VAC14: variants seen among roughly 807,000 people sequenced by gnomAD.
VAC14 encodes VAC14 component of PIKFYVE complex.
A neutral mutation model predicts 85.3 loss-of-function variants in VAC14; 47 were observed. The observed-to-expected ratio is 0.55, with a 90% CI of 0.44 to 0.70. The LOEUF (loss-of-function observed/expected upper bound fraction) is 0.70, where lower values mean the gene tolerates loss of function less well. Among genes scored for constraint, VAC14 ranks in the 30% least tolerant of loss-of-function variants. VAC14 has a pLI of 0.00. For missense variants in VAC14, 861 were observed against 1,004.3 expected (o/e 0.86, Z 1.93); for synonymous variants, 447 against 430.5 (o/e 1.04, Z -0.47).
chr16:70,725,040 G>A (rs2054387329), intron 14 of VAC14, among the ~76,000 whole-genome samples: 1 of 152,260 alleles, frequency 6.6e-6, no homozygotes, highest in African/African-American at 2.4e-5. Context: ...GAGAGGAAGA[G>A]TGGGGCCGCC....
intron 18 of VAC14, chr16:70,691,822 C>A (rs1280754651): frequency 1.0e-6 from 1 of 985,298 alleles, no homozygotes; most frequent in Non-Finnish European, 1.2e-6. Context: ...GGAGCCGATG[C>A]CAGCGGTGTG....
At chr16:70,785,623 G>C in intron 3 of VAC14, 79 bp downstream of exon 3, 2 of 1,458,120 alleles carry the variant, frequency 1.4e-6, no homozygotes, top group South Asian at 1.4e-5. Context: ...TCTGGGAAAA[G>C]GGGTCCAAGG....
chr16:70,695,925 G>T, intron 16 of VAC14: 1 of 268,784 alleles, frequency 3.7e-6, no homozygotes, highest in Admixed American at 4.7e-5. Context: ...GGGCAGGAAG[G>T]GTTCTCTCCT....
At chr16:70,695,009 G>C (rs963400479) in intron 17 of VAC14, among the ~76,000 whole-genome samples, 3 of 152,190 alleles carry the variant, frequency 2.0e-5, no homozygotes, top group African/African-American at 7.2e-5. Context: ...GCTGGCTCAT[G>C]TCCAGGAGAC....
chr16:70,796,408 A>T (rs371869158), intron 1 of VAC14, among the ~76,000 whole-genome samples: 1 of 152,338 alleles, frequency 6.6e-6, no homozygotes, highest in East Asian at 1.9e-4. Context: ...TGTAGAACTG[A>T]AAGTGGCAGC....
At chr16:70,754,326 C>T (rs1311236800) in intron 12 of VAC14, among the ~76,000 whole-genome samples, 1 of 152,184 alleles carries the variant, frequency 6.6e-6, no homozygotes, top group African/African-American at 2.4e-5. Flanking sequence ...CCCCTCTCTT[C>T]CCTAGCAACG....
intron 13 of VAC14, among the ~76,000 whole-genome samples, chr16:70,735,362 T>G (rs7190561): frequency 5.6e-5 from 6 of 107,278 alleles, no homozygotes; most frequent in African/African-American, 5.1e-4. Flanking sequence ...CATCAGATGT[T>G]CCCAGAAGCA....
chr16:70,721,940 C>G (rs145679401), intron 14 of VAC14, among the ~76,000 whole-genome samples: 1 of 152,104 alleles, frequency 6.6e-6, no homozygotes. Flanking sequence ...AGCACAGGAC[C>G]CCAGGCCCGG....
In VAC14 at chr16:70,744,288, A is replaced by G. The variant is rs1019605450; in HGVS notation, c.1528+135T>C. On this transcript the variant is annotated intron_variant, in intron 13 of 18. Transcript: ENST00000261776. ...CTTGAGGTGGGAGATCGCCAGTAGC[A>G]ACCCACAGACCCCTCACACCCTGGC... 4 of 1,289,746 alleles carry G rather than the reference A, an allele frequency of 3.1e-6. No individual in the cohort carries two copies. The African/African-American group carries it at 4.5e-5, about 15-fold the overall frequency. The allele number at this position is 1,289,746 out of a possible 1,614,324, so 79.9% of individuals were successfully genotyped here.
At chr16:70,740,748 G>A (rs1040695556) in intron 13 of VAC14, among the ~76,000 whole-genome samples, 1 of 152,216 alleles carries the variant, frequency 6.6e-6, no homozygotes, top group Non-Finnish European at 1.5e-5. Context: ...TTTGCCCCCA[G>A]GCCACTCTCT....
intron 12 of VAC14, among the ~76,000 whole-genome samples, chr16:70,759,238 T>C (rs1019553393): frequency 6.6e-6 from 1 of 152,200 alleles, no homozygotes; most frequent in Non-Finnish European, 1.5e-5. Flanking sequence ...GCAACACAGA[T>C]GACAAAGTGA....
intron 14 of VAC14, among the ~76,000 whole-genome samples, chr16:70,724,999 T>G (rs7205236): frequency 7.2e-5 from 11 of 152,396 alleles, no homozygotes; most frequent in African/African-American, 2.6e-4. Flanking sequence ...ATTTTTATCC[T>G]GAACAAATGA....
intron 12 of VAC14, among the ~76,000 whole-genome samples, chr16:70,749,447 G>A (rs920577690): frequency 2.6e-5 from 4 of 152,324 alleles, no homozygotes; most frequent in East Asian, 3.9e-4. Flanking sequence ...CTACAGGTTC[G>A]TTCAGTAATC....
chr16:70,790,869 C>A (rs1718324866), intron 1 of VAC14, among the ~76,000 whole-genome samples: 1 of 152,244 alleles, frequency 6.6e-6, no homozygotes, highest in Non-Finnish European at 1.5e-5. Flanking sequence ...GAATATTCTT[C>A]ATCTCCAGGA....
intron 16 of VAC14, chr16:70,696,775 C>T: frequency 3.6e-6 from 1 of 280,504 alleles, no homozygotes; most frequent in Non-Finnish European, 7.0e-6. Flanking sequence ...CTACAATGAG[C>T]AGAGGGCAGC....
intron 14 of VAC14, among the ~76,000 whole-genome samples, chr16:70,718,119 C>T (rs984440467): frequency 2.0e-5 from 3 of 152,250 alleles, no homozygotes; most frequent in Non-Finnish European, 2.9e-5. Flanking sequence ...GGGAGCTCCT[C>T]GGCTCCTCAC....
intron 14 of VAC14, among the ~76,000 whole-genome samples, chr16:70,723,794 G>C (rs1178843532): frequency 6.6e-6 from 1 of 152,216 alleles, no homozygotes; most frequent in Non-Finnish European, 1.5e-5. Context: ...TGAAAGACTG[G>C]CAAGGGGCCA....
chr16:70,733,366 A>G (rs2054651296), intron 13 of VAC14, among the ~76,000 whole-genome samples: 1 of 151,598 alleles, frequency 6.6e-6, no homozygotes, highest in South Asian at 2.1e-4. Context: ...CGGCTATTCT[A>G]TATTTTGTTT....
chr16:70,783,558 A>T lies in VAC14; in HGVS notation c.595-4T>A. 6.2e-7 allele frequency: 1 copy of T among 1,613,316 alleles called. No homozygotes were observed. The highest frequency in any genetic ancestry group is 1.1e-5 in the South Asian group (1 of 91,084). ...GCACCGACTCCAGAACCAGGATCTG[A>T]CCAGGGGAAGGGAACAGGAGGGGAA... On this transcript the variant is annotated splice_region_variant and splice_polypyrimidine_tract_variant and intron_variant, in intron 5 of 18. Coordinates refer to ENST00000261776, the MANE Select transcript of VAC14 (RefSeq NM_018052.5).
Sources: allele counts gnomAD v4.1 joint callset (sites outside exome capture counted in the v4.1 genomes callset), GRCh38; gene constraint gnomAD v4.1.1; transcripts MANE v1.5; gene names NCBI Gene and HGNC (gene_info 2026-07-23, HGNC 2026-07-21).